The following FRMD7 variants were observed in gnomAD, a reference collection of about 807,000 sequenced individuals.
The protein encoded by FRMD7 is FERM domain containing 7.
Under a neutral mutation model 44.1 loss-of-function variants are expected in FRMD7, and 14 were observed. That is an observed-to-expected ratio of 0.32 (90% CI 0.21 to 0.50). The LOEUF (loss-of-function observed/expected upper bound fraction) is 0.50, where lower values mean the gene tolerates loss of function less well. FRMD7 is among the 20% of genes least tolerant of loss of function. The pLI is 0.99. For missense variants in FRMD7, 501 were observed against 522.3 expected, an observed-to-expected ratio of 0.96 and a Z score of 0.40; for synonymous variants, 212 against 187.4, an observed-to-expected ratio of 1.13 and a Z score of -1.07.
chrX:132,082,735 C>T (rs921733723), intron 8 of FRMD7, among the ~76,000 whole-genome samples: 1 of 111,937 alleles, frequency 8.9e-6, no homozygotes, highest in Non-Finnish European at 1.9e-5. Flanking sequence ...AGAGCCTTCT[C>T]TAAGAAGCAA....
rs771439270 is a variant in FRMD7, at chrX:132,095,411, T to C, written c.285-1272A>G. On this transcript the variant is annotated intron_variant, in intron 4 of 11. Coordinates refer to ENST00000298542, the MANE Select transcript of FRMD7 (RefSeq NM_194277.3). ...TGTCTGGCCCCAATATTTTGTTTTA[T>C]AAATTAAAACACTGAGTACTATGAG... Among the ~76,000 whole-genome samples the C allele has an allele frequency of 4.5e-5, 5 of 111,615 alleles. No individual in the cohort carries two copies. The East Asian group carries it at 1.4e-3, about 31-fold the overall frequency.
chrX:132,078,809 G>T lies in FRMD7; in HGVS notation c.1208C>A (p.Thr403Lys). 1 of 1,211,200 alleles carries T rather than the reference G, an allele frequency of 8.3e-7. No homozygotes were observed. Among genetic ancestry groups the T allele is most frequent in the Non-Finnish European group, 1.1e-6 (1 of 895,201 alleles). ...ACTGCTTTGGGACTGATGTAGCAAT[G>T]TGGGATCCGCCTCTGGTTTGGAATG... is the stretch of plus-strand genomic sequence containing the variant. Reference protein sequence around the residue: ...LEHSKPEADPTLLHQSQSSSS... With the variant: ...LEHSKPEADPKLLHQSQSSSS... The change falls in exon 12 of 12, where the codon ACA becomes AAA. Residue 403 changes from threonine to lysine, a missense_variant. Coordinates refer to ENST00000298542, the MANE Select transcript of FRMD7 (RefSeq NM_194277.3).
chrX:132,097,301 T>C lies in FRMD7; in HGVS notation c.249A>G (p.Pro83=). 2 of 1,196,476 alleles carry C rather than the reference T, an allele frequency of 1.7e-6. No individual in the cohort carries two copies. Among genetic ancestry groups the C allele is most frequent in the African/African-American group, 1.7e-5 (1 of 57,369 alleles). The change falls in exon 4 of 12, where the codon CCA becomes CCG. Residue 83 remains proline, a synonymous_variant. Coordinates refer to ENST00000298542, the MANE Select transcript of FRMD7 (RefSeq NM_194277.3). ...IVFKFMVKFF[P]VDPGHLREEL... is the part of the protein sequence containing the mutation. ...CTTCCCGCAGATGTCCAGGGTCCACTGGGAAAAATTTCACCATAAATTTGA... is the reference window on the plus strand; with the variant it reads ...CTTCCCGCAGATGTCCAGGGTCCACCGGGAAAAATTTCACCATAAATTTGA...
chrX:132,095,063 TTTATTTA>T (rs1928288566), intron 4 of FRMD7, among the ~76,000 whole-genome samples: 1 of 22,969 alleles, frequency 4.4e-5, no homozygotes. Flanking sequence ...CAATATTTTA[TTTATTTA>T]TTTATTTATT....
rs377679619 is a variant in FRMD7 at position 132,078,523 on chromosome X, A to G, written c.1494T>C (p.Tyr498=). 1 of 1,209,694 alleles carries G rather than the reference A, an allele frequency of 8.3e-7. No individual in the cohort carries two copies. The highest frequency in any genetic ancestry group is 2.3e-4 in the Middle Eastern group (1 of 4,374). The change falls in exon 12 of 12, where the codon TAT becomes TAC. Residue 498 remains tyrosine, a synonymous_variant. Coordinates refer to ENST00000298542, the MANE Select transcript of FRMD7 (RefSeq NM_194277.3). ...VGIMPPQVFF[Y]VDKPPQVPRW... ...TGGGCACCTGGGGTGGCTTGTCCACATAAAAAAAGACCTGGGGAGGCATAA... is the reference window on the plus strand; with the variant it reads ...TGGGCACCTGGGGTGGCTTGTCCACGTAAAAAAAGACCTGGGGAGGCATAA...
chrX:132,086,682 T>A (rs1602800719), intron 5 of FRMD7, among the ~76,000 whole-genome samples: 1 of 109,376 alleles, frequency 9.1e-6, no homozygotes, highest in Non-Finnish European at 1.9e-5. Context: ...AAACAACTGC[T>A]GACAGCTTAT....
At chrX:132,091,562 G>A (rs1602807618) in intron 5 of FRMD7, among the ~76,000 whole-genome samples, 3 of 110,497 alleles carry the variant, frequency 2.7e-5, no homozygotes, top group African/African-American at 9.9e-5. Flanking sequence ...TGTGGCTTAC[G>A]CGTGTAATCC....
chrX:132,116,739 T>G (rs1345604778), intron 1 of FRMD7, among the ~76,000 whole-genome samples: 1 of 111,495 alleles, frequency 9.0e-6, no homozygotes, highest in Admixed American at 9.5e-5. Context: ...AGGTGATGGG[T>G]TGATGGGTGC....
intron 9 of FRMD7, among the ~76,000 whole-genome samples, chrX:132,082,043 T>A (rs1927834337): frequency 8.9e-6 from 1 of 112,164 alleles, no homozygotes; most frequent in African/African-American, 3.2e-5. Context: ...TTGAGCTTTT[T>A]CTTTCCATGG....
intron 1 of FRMD7, among the ~76,000 whole-genome samples, chrX:132,107,634 G>GAGAGAGAGA (rs1928681190): frequency 4.5e-5 from 3 of 66,295 alleles, no homozygotes; most frequent in Non-Finnish European, 6.2e-5. Flanking sequence ...AGAGAGAGAG[G>GAGAGAGAGA]GAGGGAGAAT....
rs1217617164 is a variant in FRMD7, at chrX:132,121,030, C to T, written c.57+6758G>A. On this transcript the variant is annotated intron_variant, in intron 1 of 11. Coordinates refer to ENST00000298542, the MANE Select transcript of FRMD7 (RefSeq NM_194277.3). ...TCACTTGGCTTTCTTTGTACAGGCA[C>T]GGGGTGGTGGTGAGCTGATCTGCTC... Among the ~76,000 whole-genome samples the T allele has an allele frequency of 5.4e-5, 6 of 111,427 alleles. No homozygotes were observed. In the East Asian group the frequency reaches 1.7e-3, roughly 31 times the overall value.
intron 1 of FRMD7, among the ~76,000 whole-genome samples, chrX:132,108,379 A>G (rs1378819000): frequency 8.9e-6 from 1 of 111,878 alleles, no homozygotes; most frequent in Admixed American, 9.5e-5. Context: ...ACACTTTAAA[A>G]GGATGAATTT....
chrX:132,120,532 C>T (rs1929008735), intron 1 of FRMD7, among the ~76,000 whole-genome samples: 1 of 113,040 alleles, frequency 8.8e-6, no homozygotes, highest in Non-Finnish European at 1.9e-5. Flanking sequence ...AAGCCAGTTC[C>T]CCAATCTCTT....
At chrX:132,080,795 A>G (rs768341577) in intron 9 of FRMD7, among the ~76,000 whole-genome samples, 1 of 111,607 alleles carries the variant, frequency 9.0e-6, no homozygotes, top group Admixed American at 9.5e-5. Flanking sequence ...CCTGGGCAAC[A>G]CAGCGAGACC....
At chrX:132,096,585 C>T (rs1027351555) in intron 4 of FRMD7, among the ~76,000 whole-genome samples, 3 of 92,451 alleles carry the variant, frequency 3.2e-5, no homozygotes, top group Non-Finnish European at 4.3e-5. Flanking sequence ...ATTAGCCGGG[C>T]GTGGCGGCAA....
chrX:132,104,308 T>C (rs1928586875), intron 1 of FRMD7, among the ~76,000 whole-genome samples: 1 of 112,100 alleles, frequency 8.9e-6, no homozygotes, highest in Non-Finnish European at 1.9e-5. Context: ...GTCTGAATTT[T>C]TTTTTTAATA....
intron 1 of FRMD7, among the ~76,000 whole-genome samples, chrX:132,119,833 C>T (rs1928991266): frequency 9.0e-6 from 1 of 111,281 alleles, no homozygotes; most frequent in South Asian, 3.9e-4. Context: ...CTTGCCCTAG[C>T]ACCTCATTGG....
chrX:132,085,761 A>T, intron 6 of FRMD7, 33 bp from the exon 7 acceptor site: 1 of 1,186,994 alleles, frequency 8.4e-7, no homozygotes, highest in Non-Finnish European at 1.1e-6. Context: ...AGCCTAATAA[A>T]TGCCTCAAGA....
At chrX:132,079,656 T>C (rs1927743632) in intron 11 of FRMD7, among the ~76,000 whole-genome samples, 1 of 112,119 alleles carries the variant, frequency 8.9e-6, no homozygotes, top group African/African-American at 3.2e-5. Context: ...CCCAAGACCT[T>C]ATACCTTCCT....
Sources: allele counts gnomAD v4.1 joint callset (sites outside exome capture counted in the v4.1 genomes callset), GRCh38; gene constraint gnomAD v4.1.1; transcripts MANE v1.5; gene names NCBI Gene and HGNC (gene_info 2026-07-23, HGNC 2026-07-21).